Variants in ARFGEF3 observed in about 807,000 individuals in gnomAD.
The protein encoded by ARFGEF3 is ARFGEF family member 3.
ARFGEF3 carries 96 observed loss-of-function variants against 221.7 expected under a neutral mutation model. The observed-to-expected ratio is 0.43, with a 90% CI of 0.37 to 0.51. The LOEUF (loss-of-function observed/expected upper bound fraction) is 0.51, where lower values mean the gene tolerates loss of function less well. ARFGEF3 is among the 20% of genes least tolerant of loss of function. The pLI is 0.00. For synonymous variants in ARFGEF3, 1,145 were observed against 1,126.8 expected (o/e 1.02, Z -0.32); for missense variants, 2,410 against 2,789.9 (o/e 0.86, Z 3.07).
chr6:138,246,386 T>A (rs959646346), intron 8 of ARFGEF3, among the ~76,000 whole-genome samples: 2 of 152,248 alleles, frequency 1.3e-5, no homozygotes, highest in Non-Finnish European at 2.9e-5. Context: ...ACTCACTTGT[T>A]GAATTTTAAA....
intron 2 of ARFGEF3, among the ~76,000 whole-genome samples, chr6:138,193,638 T>G (rs1777354140): frequency 6.6e-6 from 1 of 152,222 alleles, no homozygotes; most frequent in African/African-American, 2.4e-5. Flanking sequence ...GACTGTTGTG[T>G]TAACTGGTAA....
intron 4 of ARFGEF3, among the ~76,000 whole-genome samples, chr6:138,215,185 C>G (rs772613909): frequency 1.8e-4 from 27 of 152,114 alleles, no homozygotes; most frequent in Admixed American, 3.9e-4. Context: ...TCCCTTCTTT[C>G]TGATGGATAA....
rs139867507 is a variant in ARFGEF3, at chr6:138,198,684, C to T, written c.138-8358C>T. Among the ~76,000 whole-genome samples, 616 of 141,832 alleles carry T rather than the reference C, an allele frequency of 4.3e-3. 4 individuals carry two copies. The highest frequency in any genetic ancestry group is 0.017 in the African/African-American group (564 of 34,116). The allele number at this position is 141,832 out of a possible 152,430, so 93.0% of individuals were successfully genotyped here. ...TGTGGCTTGAACTCAGCAGCTAGTT[C>T]CAAAGCCAGATTTTTTTCCACATAT... On this transcript the variant is annotated intron_variant, in intron 2 of 33. Coordinates refer to ENST00000251691, the MANE Select transcript of ARFGEF3 (RefSeq NM_020340.5).
intron 5 of ARFGEF3, among the ~76,000 whole-genome samples, chr6:138,236,803 T>C (rs1562363499): frequency 6.6e-6 from 1 of 152,224 alleles, no homozygotes. Flanking sequence ...ATGCATAAAT[T>C]ATTGTATCTT....
chr6:138,298,061 T>C (rs1779554415), intron 21 of ARFGEF3, among the ~76,000 whole-genome samples: 1 of 152,220 alleles, frequency 6.6e-6, no homozygotes, highest in African/African-American at 2.4e-5. Flanking sequence ...TTTAATTCTG[T>C]TCTTACATGA....
intron 4 of ARFGEF3, among the ~76,000 whole-genome samples, chr6:138,212,280 C>A (rs973974818): frequency 6.6e-6 from 1 of 152,218 alleles, no homozygotes; most frequent in Non-Finnish European, 1.5e-5. Context: ...GTAATCCCCG[C>A]AATTTGGGAG....
chr6:138,202,475 A>G (rs1486434259), intron 2 of ARFGEF3, among the ~76,000 whole-genome samples: 1 of 152,126 alleles, frequency 6.6e-6, no homozygotes. Context: ...TTCATTTCCA[A>G]TTGAAGTCAG....
Position 138,289,956 on chromosome 6 carries a change from C to T in ARFGEF3, c.3035C>T (p.Pro1012Leu), listed in dbSNP as rs1779369803. 1.2e-6 allele frequency: 2 copies of T among 1,611,970 alleles called. No individual in the cohort carries two copies. The highest frequency in any genetic ancestry group is 8.5e-7 in the Non-Finnish European group (1 of 1,178,998). ...GGAAGCCACAACCCGGACTGCTGGC[C>T]ACACGTGTTCAGGTGCATGACGGGC... The part of the protein sequence containing the change: ...EMGSHNPDCW[P>L]HVFRVCEYVG... The change falls in exon 18 of 34, where the codon CCA (proline) becomes CTA (leucine). Residue 1012 changes from proline to leucine, a missense_variant. Physicochemically the swap from Pro to Leu is moderately conservative, Grantham distance 98. This residue lies in a region of ARFGEF3 where 594 missense variants were observed against 734.3 expected (regional missense o/e 0.81). Coordinates refer to ENST00000251691, the MANE Select transcript of ARFGEF3 (RefSeq NM_020340.5).
intron 10 of ARFGEF3, among the ~76,000 whole-genome samples, chr6:138,260,538 G>A (rs1441080894): frequency 6.6e-6 from 1 of 152,050 alleles, no homozygotes. Context: ...AGAAATAAAT[G>A]GGAGGATATG....
intron 22 of ARFGEF3, among the ~76,000 whole-genome samples, chr6:138,301,765 A>G (rs1779632974): frequency 6.6e-6 from 1 of 152,220 alleles, no homozygotes; most frequent in Non-Finnish European, 1.5e-5. Flanking sequence ...CTTCTCACAC[A>G]GATTGATTGC....
rs746366741 is a variant in ARFGEF3, at chr6:138,292,058, G to C, written c.3368+5G>C. Reference sequence around the variant, plus strand: ...CCTCTCCACGCAAGCCGACAGGTGCGCGGCGCCGGCCTCCCACGCCCCGGG... The same window carrying C: ...CCTCTCCACGCAAGCCGACAGGTGCCCGGCGCCGGCCTCCCACGCCCCGGG... On this transcript the variant is annotated splice_donor_5th_base_variant and intron_variant, in intron 19 of 33. Transcript: ENST00000251691. 3.5e-6 allele frequency: 5 copies of C among 1,416,404 alleles called. No individual in the cohort carries two copies. Among genetic ancestry groups the C allele is most frequent in the Non-Finnish European group, 4.6e-6 (5 of 1,087,840 alleles). The allele number at this position is 1,416,404 out of a possible 1,614,324, so 87.7% of individuals were successfully genotyped here.
Position 138,342,294 on chromosome 6 carries a change from A to G in ARFGEF3, c.*5808A>G, listed in dbSNP as rs1780443011. The G allele has an allele frequency of 6.6e-6, 1 of 152,198 alleles. No individual in the cohort carries two copies. The highest frequency in any genetic ancestry group is 1.5e-5 in the Non-Finnish European group (1 of 68,040). 9.4% of individuals were successfully genotyped at this position (152,198 alleles called of 1,614,324 possible). A position where few individuals can be genotyped will look rare whatever the true frequency, so the allele number is the denominator to read the frequency against. ...TGAGGCCAATACTGCTGTTTTGGGAACTATGCTTTGAGAACCACTGCCTTG... is the reference window on the plus strand; with the variant it reads ...TGAGGCCAATACTGCTGTTTTGGGAGCTATGCTTTGAGAACCACTGCCTTG... On this transcript the variant is annotated 3_prime_UTR_variant, in exon 34 of 34. Coordinates refer to ENST00000251691, the MANE Select transcript of ARFGEF3 (RefSeq NM_020340.5).
At chr6:138,222,070 G>A (rs1777992650) in intron 4 of ARFGEF3, among the ~76,000 whole-genome samples, 1 of 152,206 alleles carries the variant, frequency 6.6e-6, no homozygotes, top group Admixed American at 6.5e-5. Flanking sequence ...GAAGCAAAGG[G>A]AAGGATCAGT....
At chr6:138,224,522 T>C (rs555610524) in intron 4 of ARFGEF3, among the ~76,000 whole-genome samples, 4 of 152,360 alleles carry the variant, frequency 2.6e-5, no homozygotes, top group African/African-American at 9.6e-5. Flanking sequence ...TTTTACTACA[T>C]TGTCTACACA....
At chr6:138,272,831 C>T (rs1779029659) in intron 12 of ARFGEF3, among the ~76,000 whole-genome samples, 1 of 152,202 alleles carries the variant, frequency 6.6e-6, no homozygotes, top group Non-Finnish European at 1.5e-5. Context: ...TGGTATAAAT[C>T]TATTTGGAAA....
chr6:138,319,859 T>A lies in ARFGEF3; in HGVS notation c.4631T>A (p.Ile1544Asn). Reference protein sequence around the residue: ...GLSCELVVEHIQSFLHSDIRY... With the variant: ...GLSCELVVEHNQSFLHSDIRY... ...TCCTGTGAGCTGGTGGTGGAGCACATTCAAAGCTTTCTACATTCAGGTATC... is the reference window on the plus strand; with the variant it reads ...TCCTGTGAGCTGGTGGTGGAGCACAATCAAAGCTTTCTACATTCAGGTATC... The change falls in exon 28 of 34, where the codon ATT becomes AAT. Residue 1544 changes from isoleucine to asparagine, a missense_variant. Around this residue, in one of 5 missense-constraint regions of ARFGEF3, gnomAD observed 723 missense variants for 991.9 expected, o/e 0.73. Transcript: ENST00000251691. 1 of 1,613,946 alleles carries A rather than the reference T, an allele frequency of 6.2e-7. No homozygotes were observed. Among genetic ancestry groups the A allele is most frequent in the Non-Finnish European group, 8.5e-7 (1 of 1,179,872 alleles).
intron 12 of ARFGEF3, among the ~76,000 whole-genome samples, chr6:138,270,463 C>CACACACACACACAT (rs879929949): frequency 3.2e-4 from 40 of 123,884 alleles, no homozygotes; most frequent in South Asian, 1.5e-3. Context: ...CACACACACA[C>CACACACACACACAT]ATATATATAT....
At position 138,296,829 on chromosome 6, in the gene ARFGEF3, A is replaced by C. The variant is rs1779532314; in HGVS notation, c.3522A>C (p.Gln1174His). The C allele has an allele frequency of 6.2e-7, 1 of 1,613,784 alleles. No homozygotes were observed. The highest frequency in any genetic ancestry group is 8.5e-7 in the Non-Finnish European group (1 of 1,179,860). Residue 1174 changes from glutamine (Q) to histidine (H), a missense_variant, in exon 21 of 34, where the codon CAA (glutamine) becomes CAC (histidine). Transcript: ENST00000251691. ...LAMPGEVKSTQDRKSALHLFR... is the reference protein window; with the variant it reads ...LAMPGEVKSTHDRKSALHLFR... ...CTGTAGGAGAAGTTAAATCCACTCAAGACCGAAAAAGCGCCCTCCACCTGT... is the reference window on the plus strand; with the variant it reads ...CTGTAGGAGAAGTTAAATCCACTCACGACCGAAAAAGCGCCCTCCACCTGT...
chr6:138,309,269 T>TCA (rs1237634022), intron 24 of ARFGEF3, among the ~76,000 whole-genome samples: 6 of 152,280 alleles, frequency 3.9e-5, no homozygotes, highest in Admixed American at 1.3e-4. Context: ...CCCTTTCATT[T>TCA]CACCCTACAT....
Sources: gnomAD v4.1 joint callset for allele counts (sites outside exome capture counted in the v4.1 genomes callset) on GRCh38, gnomAD v4.1.1 for gene constraint, gnomAD v4.1.1 regional missense constraint, MANE v1.5 for transcripts, NCBI Gene and HGNC (gene_info 2026-07-23, HGNC 2026-07-21) for gene names.